The following SORL1 variants were observed in gnomAD, a reference collection of about 807,000 sequenced individuals.
SORL1 encodes the protein sortilin-related receptor.
A neutral mutation model predicts 273.7 loss-of-function variants in SORL1; 127 were observed. That is an observed-to-expected ratio of 0.46 (90% confidence interval 0.40 to 0.54). The LOEUF is 0.54. SORL1 is among the 20% of genes least tolerant of loss of function. The pLI, the probability that SORL1 is intolerant of heterozygous loss-of-function variation, is 0.00. For synonymous variants in SORL1, 1,031 were observed against 1,067.4 expected, an observed-to-expected ratio of 0.97 and a Z score of 0.66; for missense variants, 2,494 against 2,846.1, an observed-to-expected ratio of 0.88 and a Z score of 2.81.
chr11:121,570,336 G>C, intron 23 of SORL1, 66 bp downstream of exon 23: 1 of 1,242,306 alleles, frequency 8.0e-7, no homozygotes. Flanking sequence ...CTCTTCCCAG[G>C]CTGAGGGCCT....
Position 121,470,111 on chromosome 11 carries a change from C to T in SORL1, c.390C>T (p.Pro130=). ...GAGATAGCCTGGCATTGGCGAGGCC[C>T]AAGAGCAGTGATGTAAGTGTTGTGT... ...LARDSLALAR[P]KSSDVYVSYD... Residue 130 remains proline (P), a synonymous_variant, in exon 2 of 48, where the codon CCC becomes CCT. Transcript: ENST00000260197. The T allele has an allele frequency of 6.2e-7, 1 of 1,612,148 alleles. No homozygotes were observed. Among genetic ancestry groups the T allele is most frequent in the Non-Finnish European group, 8.5e-7 (1 of 1,178,222 alleles).
chr11:121,462,624 G>T (rs911597446), intron 1 of SORL1, among the ~76,000 whole-genome samples: 1 of 151,988 alleles, frequency 6.6e-6, no homozygotes, highest in Admixed American at 6.6e-5. Flanking sequence ...TAGCTCTGTC[G>T]CCCAGGCTGG....
chr11:121,486,329 G>A (rs1451636006), intron 3 of SORL1, among the ~76,000 whole-genome samples: 1 of 152,054 alleles, frequency 6.6e-6, no homozygotes, highest in African/African-American at 2.4e-5. Context: ...TTGTTTTCTG[G>A]TTATTTCTCT....
chr11:121,594,431 A>T (rs1353410908), intron 31 of SORL1, among the ~76,000 whole-genome samples: 2 of 150,834 alleles, frequency 1.3e-5, no homozygotes, highest in Non-Finnish European at 3.0e-5. Context: ...AGTTTTGAAA[A>T]TTCCCTTCCC....
intron 6 of SORL1, among the ~76,000 whole-genome samples, chr11:121,501,473 T>A (rs958864648): frequency 2.6e-5 from 4 of 152,214 alleles, no homozygotes; most frequent in African/African-American, 9.7e-5. Flanking sequence ...AATTTGTGAC[T>A]TTATTAGTCC....
chr11:121,481,662 G>C (rs11604415), intron 3 of SORL1, among the ~76,000 whole-genome samples: 3 of 101,476 alleles, frequency 3.0e-5, no homozygotes, highest in African/African-American at 1.4e-4. Flanking sequence ...CCTATAGGCA[G>C]GTTCCATCTC....
intron 12 of SORL1, among the ~76,000 whole-genome samples, chr11:121,542,220 A>G (rs776958466): frequency 4.6e-5 from 7 of 152,224 alleles, no homozygotes; most frequent in Non-Finnish European, 8.8e-5. Context: ...CTCACACCTA[A>G]GAAAATTAAC....
chr11:121,604,380 C>A (rs572444066), intron 33 of SORL1, 56 bp downstream of exon 33: 2 of 1,592,424 alleles, frequency 1.3e-6, no homozygotes, highest in African/African-American at 2.7e-5. Context: ...GGCTCGCTTA[C>A]CCCAGGGCCC....
At chr11:121,612,651 A>G (rs1234548644) in intron 39 of SORL1, 85 bp from the exon 40 acceptor site, 4 of 973,412 alleles carry the variant, frequency 4.1e-6, no homozygotes, top group East Asian at 5.0e-5. Flanking sequence ...AGAACAGGAA[A>G]GAGGTGTATT....
At chr11:121,545,517 C>A in intron 14 of SORL1, 88 bp downstream of exon 14, 1 of 1,240,210 alleles carries the variant, frequency 8.1e-7, no homozygotes, top group South Asian at 1.3e-5. Context: ...GTCCCTTTCC[C>A]TGAGCAAAGG....
chr11:121,533,720 A>T (rs772841487), intron 12 of SORL1, among the ~76,000 whole-genome samples: 1 of 152,018 alleles, frequency 6.6e-6, no homozygotes, highest in South Asian at 2.1e-4. Flanking sequence ...GGAAAAAGAG[A>T]TCTTAGCAGC....
intron 1 of SORL1, among the ~76,000 whole-genome samples, chr11:121,454,705 G>T (rs1202101306): frequency 6.6e-6 from 1 of 152,228 alleles, no homozygotes; most frequent in Non-Finnish European, 1.5e-5. Context: ...CAGATAAAAG[G>T]AAGAACTTCC....
intron 46 of SORL1, among the ~76,000 whole-genome samples, chr11:121,625,859 G>C (rs767948894): frequency 2.6e-5 from 4 of 152,126 alleles, no homozygotes; most frequent in Admixed American, 6.5e-5. Context: ...GTTTGGCCAG[G>C]ATTTCAACAA....
At position 121,545,379 on chromosome 11, in the gene SORL1, C is replaced by T. The variant is rs372441924; in HGVS notation, c.2001C>T (p.Asp667=). Residue 667 remains aspartate (D), a synonymous_variant, in exon 14 of 48, where the codon GAC becomes GAT. Coordinates refer to ENST00000260197, the MANE Select transcript of SORL1 (RefSeq NM_003105.6). The part of the protein sequence containing the change: ...HATCFNGEDF[D]RPVVVSNCSC... ...CATGCTTCAATGGAGAGGACTTTGACAGGCCGGTGGTCGTGTCCAACTGCT... is the reference window on the plus strand; with the variant it reads ...CATGCTTCAATGGAGAGGACTTTGATAGGCCGGTGGTCGTGTCCAACTGCT... The T allele has an allele frequency of 1.2e-6, 2 of 1,614,068 alleles. No homozygotes were observed. The highest frequency in any genetic ancestry group is 1.7e-6 in the Non-Finnish European group (2 of 1,180,022).
intron 6 of SORL1, among the ~76,000 whole-genome samples, chr11:121,508,464 A>G (rs555467576): frequency 2.0e-5 from 3 of 152,280 alleles, no homozygotes; most frequent in South Asian, 4.1e-4. Flanking sequence ...TTTATTCACT[A>G]TTTTCAGTAA....
chr11:121,616,731 C>T (rs1005902346), intron 41 of SORL1, among the ~76,000 whole-genome samples: 6 of 152,252 alleles, frequency 3.9e-5, no homozygotes, highest in African/African-American at 1.4e-4. Context: ...TGTCCTTTCT[C>T]ATCTGTCAAC....
chr11:121,464,041 T>C (rs1352009903), intron 1 of SORL1, among the ~76,000 whole-genome samples: 2 of 152,182 alleles, frequency 1.3e-5, no homozygotes, highest in Admixed American at 6.5e-5. Flanking sequence ...AGGATATTTG[T>C]TTTATGCTAT....
Position 121,608,131 on chromosome 11 carries a change from G to C in SORL1, c.5194G>C (p.Gly1732Arg). 1.2e-6 allele frequency: 2 copies of C among 1,614,060 alleles called. No individual in the cohort carries two copies. Among genetic ancestry groups the C allele is most frequent in the Non-Finnish European group, 8.5e-7 (1 of 1,179,940 alleles). The change falls in exon 38 of 48, where the codon GGA becomes CGA. Residue 1732 changes from glycine (G) to arginine (R), a missense_variant. Gly to Arg is a moderately radical substitution (Grantham distance 125). This residue lies in a region of SORL1 where 1,609 missense variants were observed against 1,816.4 expected (regional missense o/e 0.89). Coordinates refer to ENST00000260197, the MANE Select transcript of SORL1 (RefSeq NM_003105.6). ...RVAAVTSRGI[G>R]NWSDSKSITT... is the part of the protein sequence containing the mutation. Reference sequence around the variant, plus strand: ...GGCTGCGGTGACTAGTCGTGGAATAGGAAACTGGAGCGATTCTAAATCCAT... The same window carrying C: ...GGCTGCGGTGACTAGTCGTGGAATACGAAACTGGAGCGATTCTAAATCCAT...
At position 121,550,187 on chromosome 11, in the gene SORL1, T is replaced by G; in HGVS notation, c.2180+99T>G. On this transcript the variant is annotated intron_variant, in intron 15 of 47. Transcript: ENST00000260197. The surrounding 1 kb of genome is among the most constrained non-coding windows in gnomAD (Gnocchi z 5.3). ...CTGGATTGCTCTACACTCGAAATTCTAGAATTCCAAGTTAACAGCCTGCAA... is the reference window on the plus strand; with the variant it reads ...CTGGATTGCTCTACACTCGAAATTCGAGAATTCCAAGTTAACAGCCTGCAA... 1 of 1,280,878 alleles carries G rather than the reference T, an allele frequency of 7.8e-7. No homozygotes were observed. Among genetic ancestry groups the G allele is most frequent in the South Asian group, 1.5e-5 (1 of 65,644 alleles). The allele number at this position is 1,280,878 out of a possible 1,614,324, so 79.3% of individuals were successfully genotyped here. A position where few individuals can be genotyped will look rare whatever the true frequency, so the allele number is the denominator to read the frequency against.
Sources: gnomAD v4.1 joint callset for allele counts (sites outside exome capture counted in the v4.1 genomes callset) on GRCh38, gnomAD v4.1.1 for gene constraint, gnomAD v4.1.1 regional missense constraint, Gnocchi (gnomAD v3.1) non-coding constraint, MANE v1.5 for transcripts, NCBI Gene and HGNC (gene_info 2026-07-23, HGNC 2026-07-21) for gene names.